The following AGBL4 variants were observed in gnomAD, a reference collection of about 807,000 sequenced individuals.
AGBL4 encodes AGBL carboxypeptidase 4.
Under a neutral mutation model 66.4 loss-of-function variants are expected in AGBL4, and 58 were observed. That is an observed-to-expected ratio of 0.87 (90% CI 0.71 to 1.09). AGBL4 has a LOEUF of 1.09. Ranked by LOEUF, AGBL4 falls within the 50% of genes least tolerant of loss-of-function variation. AGBL4 has a pLI of 0.00. For synonymous variants in AGBL4, 234 were observed against 222.9 expected, an observed-to-expected ratio of 1.05 and a Z score of -0.44; for missense variants, 579 against 631.0, an observed-to-expected ratio of 0.92 and a Z score of 0.88.
chr1:49,049,295 T>TTTC (rs1331207074), intron 4 of AGBL4, among the ~76,000 whole-genome samples: 5 of 152,166 alleles, frequency 3.3e-5, no homozygotes, highest in African/African-American at 1.2e-4. Flanking sequence ...GGTTTAAATA[T>TTTC]TTCTTAAATG....
At chr1:50,021,369 T>A (rs960721335) in intron 1 of AGBL4, among the ~76,000 whole-genome samples, 15 of 152,176 alleles carry the variant, frequency 9.9e-5, no homozygotes, top group South Asian at 8.3e-4. Flanking sequence ...TATGCCAGTT[T>A]ACACTTTTCT....
chr1:49,674,060 T>C (rs1646533118), intron 3 of AGBL4, among the ~76,000 whole-genome samples: 1 of 152,066 alleles, frequency 6.6e-6, no homozygotes, highest in African/African-American at 2.4e-5. Context: ...TGAGTGTGTG[T>C]ACCCAAGACT....
chr1:49,806,134 G>A (rs1446399787), intron 2 of AGBL4, among the ~76,000 whole-genome samples: 1 of 152,162 alleles, frequency 6.6e-6, no homozygotes, highest in East Asian at 1.9e-4. Flanking sequence ...TGGCTCTGAT[G>A]AAGGCTTAGA....
At chr1:49,342,459 TCA>T (rs1375552896) in intron 3 of AGBL4, among the ~76,000 whole-genome samples, 1 of 152,136 alleles carries the variant, frequency 6.6e-6, no homozygotes, top group African/African-American at 2.4e-5. Context: ...AGTTTCCCTC[TCA>T]TTTTGTTTTA....
At chr1:48,728,212 G>A (rs1275189175) in intron 6 of AGBL4, among the ~76,000 whole-genome samples, 3 of 152,152 alleles carry the variant, frequency 2.0e-5, no homozygotes, top group Middle Eastern at 3.2e-3. Context: ...TTAGAAAAGA[G>A]CAGATATACA....
intron 3 of AGBL4, among the ~76,000 whole-genome samples, chr1:49,347,344 C>T (rs985060904): frequency 6.6e-6 from 1 of 151,092 alleles, no homozygotes; most frequent in Non-Finnish European, 1.5e-5. Context: ...CTCTGCCACC[C>T]GGGTTCATGC....
intron 2 of AGBL4, among the ~76,000 whole-genome samples, chr1:49,796,654 C>T (rs1557455457): frequency 6.6e-6 from 1 of 150,864 alleles, no homozygotes; most frequent in Non-Finnish European, 1.5e-5. Flanking sequence ...CAGAAAAGAA[C>T]TATGTTTCTG....
intron 1 of AGBL4, among the ~76,000 whole-genome samples, chr1:49,871,080 T>C (rs1363511227): frequency 2.6e-5 from 4 of 152,014 alleles, no homozygotes; most frequent in Non-Finnish European, 5.9e-5. Flanking sequence ...CGAGGGCCAA[T>C]TGTGGGAGTT....
chr1:48,988,768 C>T (rs1487030735), intron 5 of AGBL4, among the ~76,000 whole-genome samples: 2 of 152,010 alleles, frequency 1.3e-5, no homozygotes, highest in Non-Finnish European at 2.9e-5. Context: ...GAAGGCATTC[C>T]CAGGCATATG....
At chr1:48,568,683 C>A (rs1329591670) in intron 11 of AGBL4, among the ~76,000 whole-genome samples, 1 of 152,222 alleles carries the variant, frequency 6.6e-6, no homozygotes, top group Non-Finnish European at 1.5e-5. Context: ...CTCCTGAAAA[C>A]AGCATGTTGT....
chr1:48,650,750 G>A lies in AGBL4; in HGVS notation c.839+2587C>T, dbSNP rs571598322. Reference sequence around the variant, plus strand: ...AATGTGTTTCAGAAACCATAACACTGGTTACAGGGAGGATGTGGACCCCCT... The same window carrying A: ...AATGTGTTTCAGAAACCATAACACTAGTTACAGGGAGGATGTGGACCCCCT... On this transcript the variant is annotated intron_variant, in intron 8 of 13. Transcript: ENST00000371839. Among the ~76,000 whole-genome samples the A allele has an allele frequency of 4.6e-5, 7 of 152,278 alleles. No individual in the cohort carries two copies. In the East Asian group the frequency reaches 9.7e-4, roughly 21 times the overall value.
chr1:50,003,977 G>A (rs1660950825), intron 1 of AGBL4, among the ~76,000 whole-genome samples: 1 of 152,292 alleles, frequency 6.6e-6, no homozygotes, highest in South Asian at 2.1e-4. Context: ...AATCAAGTGA[G>A]TGGTCACTGT....
chr1:48,846,377 GAAAGAAAGAA>G (rs1646913727), intron 6 of AGBL4, among the ~76,000 whole-genome samples: 1 of 136,774 alleles, frequency 7.3e-6, no homozygotes, highest in South Asian at 2.3e-4. Context: ...AAGAAAGAAA[GAAAGAAAGAA>G]AGAAAGAAAG....
At chr1:49,210,157 T>C (rs762948113) in intron 4 of AGBL4, among the ~76,000 whole-genome samples, 5 of 152,100 alleles carry the variant, frequency 3.3e-5, no homozygotes, top group African/African-American at 7.2e-5. Flanking sequence ...CTCCTTTTCA[T>C]TGAGTATTTA....
intron 6 of AGBL4, among the ~76,000 whole-genome samples, chr1:48,665,906 C>T (rs1203916053): frequency 7.2e-5 from 11 of 152,200 alleles, no homozygotes; most frequent in Admixed American, 7.2e-4. Flanking sequence ...CCCCTGACCC[C>T]GTATCAAGTC....
chr1:49,532,035 G>A (rs1017882176), intron 3 of AGBL4, among the ~76,000 whole-genome samples: 1 of 152,090 alleles, frequency 6.6e-6, no homozygotes, highest in Non-Finnish European at 1.5e-5. Context: ...ACCATCTGTA[G>A]AATGGAATAT....
rs886697140 is a variant in AGBL4 at position 49,878,377 on chromosome 1, T to A, written c.35-26859A>T. 4.1e-4 allele frequency among the ~76,000 whole-genome samples: 62 copies of A among 150,376 alleles called. 1 individual carries two copies. Among genetic ancestry groups the A allele is most frequent in the Admixed American group, 1.3e-4 (2 of 15,118 alleles). On this transcript the variant is annotated intron_variant, in intron 1 of 13. Coordinates refer to ENST00000371839, the MANE Select transcript of AGBL4 (RefSeq NM_032785.4). ...ATGTTGTGTCTTTGTTCTCGTTGGT[T>A]TCAAAGAACATCTTTATTTCTGCCT...
At chr1:49,571,855 T>A (rs752756693) in intron 3 of AGBL4, among the ~76,000 whole-genome samples, 3 of 152,188 alleles carry the variant, frequency 2.0e-5, no homozygotes, top group Non-Finnish European at 4.4e-5. Context: ...ATTCTGTTTA[T>A]TTAATACATC....
intron 1 of AGBL4, among the ~76,000 whole-genome samples, chr1:49,920,570 T>A (rs1196682850): frequency 2.0e-5 from 3 of 151,984 alleles, no homozygotes; most frequent in Non-Finnish European, 4.4e-5. Context: ...AGAATGGCGA[T>A]CATTAAAAAG....
Sources: gnomAD v4.1 joint callset for allele counts (sites outside exome capture counted in the v4.1 genomes callset) on GRCh38, gnomAD v4.1.1 for gene constraint, MANE v1.5 for transcripts, NCBI Gene and HGNC (gene_info 2026-07-23, HGNC 2026-07-21) for gene names.